TCF7L2: variants seen among roughly 807,000 people sequenced by gnomAD.
TCF7L2 encodes the protein transcription factor 7-like 2.
In TCF7L2, 23 loss-of-function variants were observed where a neutral mutation model predicts 77.9. That is an observed-to-expected ratio of 0.30 (90% CI 0.21 to 0.42). TCF7L2 has a LOEUF of 0.42. TCF7L2 is among the 10% of genes least tolerant of loss of function. The pLI, the probability that TCF7L2 is intolerant of heterozygous loss-of-function variation, is 1.00. For synonymous variants in TCF7L2, 413 were observed against 340.2 expected, an observed-to-expected ratio of 1.21 and a Z score of -2.36; for missense variants, 654 against 793.1, an observed-to-expected ratio of 0.82 and a Z score of 2.11.
chr10:113,111,559 A>C (rs898407602), intron 5 of TCF7L2, among the ~76,000 whole-genome samples: 5 of 152,180 alleles, frequency 3.3e-5, no homozygotes, highest in African/African-American at 1.2e-4. Context: ...TCAGAGGCCA[A>C]AGCAGGAGGA....
At chr10:113,077,687 T>G (rs913189037) in intron 5 of TCF7L2, among the ~76,000 whole-genome samples, 34 of 76,508 alleles carry the variant, frequency 4.4e-4, no homozygotes, top group African/African-American at 2.1e-3. Flanking sequence ...CATAATTTCT[T>G]TCTTTTCTTT....
rs115179683 is a variant in TCF7L2 at position 113,065,051 on chromosome 10, G to T, written c.552+24925G>T. On this transcript the variant is annotated intron_variant, in intron 5 of 13. Coordinates refer to ENST00000627217, the MANE Select transcript of TCF7L2 (RefSeq NM_001146274.2). ...TGGTGGGATCATCCCATTCCATAGG[G>T]AAAAAAGGGCCAGGTTCCCTGACTC... Among the ~76,000 whole-genome samples the T allele has an allele frequency of 8.7e-3, 1,324 of 152,078 alleles. 22 individuals are homozygous for T. The highest frequency in any genetic ancestry group is 0.03 in the African/African-American group (1,262 of 41,488).
chr10:113,126,865 G>A, intron 5 of TCF7L2: 1 of 987,086 alleles, frequency 1.0e-6, no homozygotes, highest in African/African-American at 1.7e-5. Flanking sequence ...GGACAGCGCC[G>A]CAACCCTCTC....
At chr10:112,972,485 T>C (rs2134940879) in intron 4 of TCF7L2, among the ~76,000 whole-genome samples, 1 of 152,280 alleles carries the variant, frequency 6.6e-6, no homozygotes, top group East Asian at 1.9e-4. Flanking sequence ...TTATTACTAT[T>C]TTGAGACAGG....
chr10:112,985,860 TTGTGTGTGTGTGTG>T (rs61481377), intron 4 of TCF7L2, among the ~76,000 whole-genome samples: 21 of 146,606 alleles, frequency 1.4e-4, no homozygotes, highest in African/African-American at 4.0e-4. Flanking sequence ...AGCCTGTAGT[TTGTGTGTGTGTGTG>T]TGTGTGTGTG....
At chr10:113,039,584 C>T (rs146891383) in intron 4 of TCF7L2, among the ~76,000 whole-genome samples, 10 of 152,250 alleles carry the variant, frequency 6.6e-5, no homozygotes, top group East Asian at 1.9e-4. Context: ...ATTTGAAAAA[C>T]GGAGGTTGAA....
intron 4 of TCF7L2, among the ~76,000 whole-genome samples, chr10:113,020,633 A>G (rs1279243459): frequency 3.9e-5 from 6 of 152,242 alleles, no homozygotes; most frequent in Admixed American, 3.3e-4. Flanking sequence ...TTGTGTTTTT[A>G]TAATACTTTA....
chr10:113,000,480 A>C (rs2044275743), intron 4 of TCF7L2, among the ~76,000 whole-genome samples: 1 of 152,104 alleles, frequency 6.6e-6, no homozygotes, highest in Non-Finnish European at 1.5e-5. Flanking sequence ...AAAGGTGAGG[A>C]ATTCTTAGGC....
At chr10:112,950,994 C>T (rs1277740815) in intron 1 of TCF7L2, 49 bp downstream of exon 1, 10 of 1,564,794 alleles carry the variant, frequency 6.4e-6, no homozygotes, top group Non-Finnish European at 8.6e-6. Context: ...GTTTCCTGGG[C>T]TTGGCAAATG....
At chr10:113,081,726 G>A (rs2059331819) in intron 5 of TCF7L2, among the ~76,000 whole-genome samples, 1 of 152,188 alleles carries the variant, frequency 6.6e-6, no homozygotes, top group African/African-American at 2.4e-5. Flanking sequence ...AAAACAAATG[G>A]GAGTGATAGC....
At chr10:112,979,306 T>C (rs1425735538) in intron 4 of TCF7L2, among the ~76,000 whole-genome samples, 1 of 152,128 alleles carries the variant, frequency 6.6e-6, no homozygotes, top group Non-Finnish European at 1.5e-5. Context: ...GCCCTAGAAT[T>C]TGTTTTCTGT....
chr10:113,082,666 T>A (rs1243980801), intron 5 of TCF7L2, among the ~76,000 whole-genome samples: 2 of 152,114 alleles, frequency 1.3e-5, no homozygotes, highest in Non-Finnish European at 2.9e-5. Flanking sequence ...TGAATGTGAC[T>A]TATTTTAATA....
chr10:113,041,729 A>T (rs72826094), intron 5 of TCF7L2, among the ~76,000 whole-genome samples: 22,083 of 151,802 alleles, frequency 0.15, 2,038 homozygotes, highest in Middle Eastern at 0.27. Context: ...TTTTTTTTTT[A>T]AAAAAGTGTG....
chr10:113,123,758 T>G (rs1377938857), intron 5 of TCF7L2, among the ~76,000 whole-genome samples: 1 of 152,206 alleles, frequency 6.6e-6, no homozygotes, highest in Non-Finnish European at 1.5e-5. Context: ...AGAGGAGAAG[T>G]CTTAGCCCCA....
At chr10:113,001,743 G>T (rs542130109) in intron 4 of TCF7L2, among the ~76,000 whole-genome samples, 2 of 152,246 alleles carry the variant, frequency 1.3e-5, no homozygotes, top group Non-Finnish European at 2.9e-5. Flanking sequence ...TACACGAAGG[G>T]AATTTTTATT....
chr10:113,086,275 A>G (rs2059822613), intron 5 of TCF7L2, among the ~76,000 whole-genome samples: 1 of 152,184 alleles, frequency 6.6e-6, no homozygotes, highest in Non-Finnish European at 1.5e-5. Context: ...CCTCAAACCC[A>G]ATTCAAACTG....
chr10:112,996,905 A>G (rs1219034859), intron 4 of TCF7L2, among the ~76,000 whole-genome samples: 1 of 152,148 alleles, frequency 6.6e-6, no homozygotes, highest in East Asian at 1.9e-4. Context: ...CTTCTCAGAG[A>G]TGTTAGCATT....
chr10:113,125,198 C>T (rs1020202811), intron 5 of TCF7L2, among the ~76,000 whole-genome samples: 2 of 150,936 alleles, frequency 1.3e-5, no homozygotes, highest in Non-Finnish European at 1.5e-5. Flanking sequence ...CCAGATGGGA[C>T]GAATCGCTCG....
At chr10:113,061,839 C>A (rs2134912977) in intron 5 of TCF7L2, among the ~76,000 whole-genome samples, 1 of 152,224 alleles carries the variant, frequency 6.6e-6, no homozygotes, top group East Asian at 1.9e-4. Context: ...CAACGCCTGC[C>A]CTCTCGAGAG....
Sources: allele counts gnomAD v4.1 joint callset (sites outside exome capture counted in the v4.1 genomes callset), GRCh38; gene constraint gnomAD v4.1.1; transcripts MANE v1.5; gene names NCBI Gene and HGNC (gene_info 2026-07-23, HGNC 2026-07-21).